The following ROBO1 variants were observed in gnomAD, a reference collection of about 807,000 sequenced individuals.
The protein encoded by ROBO1 is roundabout homolog 1.
Under a neutral mutation model 195.9 loss-of-function variants are expected in ROBO1, and 149 were observed. The observed-to-expected ratio is 0.76, with a 90% CI of 0.67 to 0.87. The LOEUF (loss-of-function observed/expected upper bound fraction) is 0.87, where lower values mean the gene tolerates loss of function less well. ROBO1 is among the 40% of genes least tolerant of loss of function. The pLI, the probability that ROBO1 is intolerant of heterozygous loss-of-function variation, is 0.00. For synonymous variants in ROBO1, 816 were observed against 733.2 expected, an observed-to-expected ratio of 1.11 and a Z score of -1.82; for missense variants, 1,933 against 2,068.3, an observed-to-expected ratio of 0.93 and a Z score of 1.27.
At chr3:78,720,199 C>T (rs1366043608) in intron 5 of ROBO1, among the ~76,000 whole-genome samples, 1 of 152,182 alleles carries the variant, frequency 6.6e-6, no homozygotes, top group Middle Eastern at 3.2e-3. Context: ...CTCATGGGAG[C>T]CCCTGTTACA....
At chr3:79,389,991 GATA>G (rs540549741) in intron 2 of ROBO1, among the ~76,000 whole-genome samples, 92 of 152,206 alleles carry the variant, frequency 6.0e-4, no homozygotes, top group Non-Finnish European at 1.1e-3. Context: ...GGATTAGGAT[GATA>G]ATAATGATGA....
chr3:78,831,079 A>C (rs1450634766), intron 4 of ROBO1, among the ~76,000 whole-genome samples: 3 of 151,454 alleles, frequency 2.0e-5, no homozygotes, highest in Non-Finnish European at 4.4e-5. Context: ...CGCCTGGCTA[A>C]TTTTTCTATT....
At chr3:79,099,788 T>C (rs887195487) in intron 3 of ROBO1, among the ~76,000 whole-genome samples, 26 of 151,810 alleles carry the variant, frequency 1.7e-4, no homozygotes, top group African/African-American at 5.6e-4. Context: ...ATATGTCAAC[T>C]GGCCATTCAT....
chr3:79,715,645 C>G (rs114688596), intron 1 of ROBO1, among the ~76,000 whole-genome samples: 3,198 of 152,042 alleles, frequency 0.021, 72 homozygotes, highest in African/African-American at 0.058. Context: ...GGTTTGGAAC[C>G]AAGTCTGTAG....
chr3:78,924,930 T>G (rs1288334445), intron 4 of ROBO1, among the ~76,000 whole-genome samples: 1 of 151,902 alleles, frequency 6.6e-6, no homozygotes, highest in Non-Finnish European at 1.5e-5. Context: ...AATTAATAAT[T>G]TTGATAATTT....
Position 78,662,046 on chromosome 3 carries a change from G to A in ROBO1, c.2035C>T (p.His679Tyr), listed in dbSNP as rs759338396. 2 of 1,599,334 alleles carry A rather than the reference G, an allele frequency of 1.3e-6. No homozygotes were observed. Among genetic ancestry groups the A allele is most frequent in the Admixed American group, 1.7e-5 (1 of 58,052 alleles). ...VQRELGNAVL[H>Y]LHNPTVLSSS... is the part of the protein sequence containing the mutation. ...GAAAGGACGGTGGGGTTGTGGAGGT[G>A]CAGAACAGCATTTCCCAGCTCTCTC... is the stretch of plus-strand genomic sequence containing the variant. The change falls in exon 15 of 31, where the codon CAC becomes TAC. Residue 679 changes from histidine (H) to tyrosine (Y), a missense_variant. This residue lies in a region of ROBO1 where 1,737 missense variants were observed against 1,882.5 expected (regional missense o/e 0.92). Coordinates refer to ENST00000464233, the MANE Select transcript of ROBO1 (RefSeq NM_002941.4).
chr3:79,108,176 T>G (rs80292761), intron 3 of ROBO1, among the ~76,000 whole-genome samples: 1 of 151,820 alleles, frequency 6.6e-6, no homozygotes, highest in Non-Finnish European at 1.5e-5. Flanking sequence ...CAACTCTCTC[T>G]TTTTCTTCCT....
intron 2 of ROBO1, among the ~76,000 whole-genome samples, chr3:79,349,794 T>A (rs1459120532): frequency 6.6e-6 from 1 of 152,166 alleles, no homozygotes; most frequent in East Asian, 1.9e-4. Flanking sequence ...TCACACCGTG[T>A]ACAAAAATTA....
At position 78,953,453 on chromosome 3, in the gene ROBO1, C is replaced by A. The variant is rs75267757; in HGVS notation, c.173-14526G>T. 2.1e-3 allele frequency among the ~76,000 whole-genome samples: 324 copies of A among 152,122 alleles called. 1 individual carries two copies. Among genetic ancestry groups the A allele is most frequent in the African/African-American group, 7.4e-3 (306 of 41,526 alleles). ...ATTAGTTGTTTACCTGTATATTATT[C>A]CTATACTGTAGTATGAATTGTGTTA... On this transcript the variant is annotated intron_variant, in intron 3 of 30. Coordinates refer to ENST00000464233, the MANE Select transcript of ROBO1 (RefSeq NM_002941.4).
intron 3 of ROBO1, among the ~76,000 whole-genome samples, chr3:79,000,600 C>T (rs951426408): frequency 4.6e-5 from 7 of 152,056 alleles, no homozygotes; most frequent in African/African-American, 1.2e-4. Flanking sequence ...GTTAGAATGG[C>T]GATCATTAAA....
chr3:79,263,041 C>T (rs888060481), intron 2 of ROBO1, among the ~76,000 whole-genome samples: 1 of 152,048 alleles, frequency 6.6e-6, no homozygotes, highest in African/African-American at 2.4e-5. Flanking sequence ...AGGCCCTCAA[C>T]TTTGTCAAGC....
chr3:79,166,024 T>C (rs1259886454), intron 2 of ROBO1, among the ~76,000 whole-genome samples: 1 of 152,202 alleles, frequency 6.6e-6, no homozygotes, highest in Non-Finnish European at 1.5e-5. Context: ...CTACCCTTCC[T>C]GATGGCCTGT....
In ROBO1 at chr3:78,597,986, A is replaced by C. The variant is rs2107193568; in HGVS notation, c.*927T>G. 6.6e-6 allele frequency: 1 copy of C among 152,242 alleles called. No individual in the cohort carries two copies. The highest frequency in any genetic ancestry group is 6.6e-5 in the Admixed American group (1 of 15,248). The allele number at this position is 152,242 out of a possible 1,614,324, so 9.4% of individuals were successfully genotyped here. A position where few individuals can be genotyped will look rare whatever the true frequency, so the allele number is the denominator to read the frequency against. On this transcript the variant is annotated 3_prime_UTR_variant, in exon 31 of 31. Coordinates refer to ENST00000464233, the MANE Select transcript of ROBO1 (RefSeq NM_002941.4). ...AAAAAAAGAGAGAGAGATTAAAAACAGTGCATTACAAAAACAAAAATCAAA... is the reference window on the plus strand; with the variant it reads ...AAAAAAAGAGAGAGAGATTAAAAACCGTGCATTACAAAAACAAAAATCAAA...
At chr3:78,871,016 G>A (rs2035512786) in intron 4 of ROBO1, among the ~76,000 whole-genome samples, 1 of 152,146 alleles carries the variant, frequency 6.6e-6, no homozygotes, top group Admixed American at 6.6e-5. Context: ...CTGGAATATA[G>A]AAAGCACCCA....
intron 5 of ROBO1, among the ~76,000 whole-genome samples, chr3:78,727,990 T>C (rs1418067313): frequency 1.3e-5 from 2 of 152,152 alleles, no homozygotes; most frequent in East Asian, 3.8e-4. Context: ...TATATTTAAA[T>C]ATCAAAGCAA....
intron 2 of ROBO1, among the ~76,000 whole-genome samples, chr3:79,339,981 C>T (rs2034837391): frequency 6.6e-6 from 1 of 152,146 alleles, no homozygotes; most frequent in Non-Finnish European, 1.5e-5. Context: ...AATGACAGGC[C>T]TATCAAGTTC....
chr3:78,886,094 G>A lies in ROBO1; in HGVS notation c.499+52507C>T, dbSNP rs536168956. Among the ~76,000 whole-genome samples the A allele has an allele frequency of 5.8e-3, 882 of 151,324 alleles. 3 individuals carry two copies. The highest frequency in any genetic ancestry group is 0.01 in the Non-Finnish European group (693 of 67,824). ...GTTTATAAAAAAACAACATCAAATA[G>A]TTATGTCAAATATTTAACCAGTTAT... On this transcript the variant is annotated intron_variant, in intron 4 of 30. Transcript: ENST00000464233.
rs1265397133 is a variant in ROBO1 at position 78,982,224 on chromosome 3, C to T, written c.173-43297G>A. On this transcript the variant is annotated intron_variant, in intron 3 of 30. Coordinates refer to ENST00000464233, the MANE Select transcript of ROBO1 (RefSeq NM_002941.4). Reference sequence around the variant, plus strand: ...TTACTACCCCTCGGAATTACCTACACCCCAATTCCTTCTCCTTTATGAAGA... The same window carrying T: ...TTACTACCCCTCGGAATTACCTACATCCCAATTCCTTCTCCTTTATGAAGA... Among the ~76,000 whole-genome samples, 2 of 152,152 alleles carry T rather than the reference C, an allele frequency of 1.3e-5. 1 individual carries two copies. Among genetic ancestry groups the T allele is most frequent in the South Asian group, 4.1e-4 (2 of 4,828 alleles).
At chr3:79,530,360 G>A (rs1054097281) in intron 2 of ROBO1, among the ~76,000 whole-genome samples, 4 of 151,978 alleles carry the variant, frequency 2.6e-5, no homozygotes, top group African/African-American at 9.7e-5. Flanking sequence ...CTGAGTTCGA[G>A]AGAGATTTTT....
Sources: allele counts gnomAD v4.1 joint callset (sites outside exome capture counted in the v4.1 genomes callset), GRCh38; gene constraint gnomAD v4.1.1; regional missense constraint gnomAD v4.1.1; transcripts MANE v1.5; gene names NCBI Gene and HGNC (gene_info 2026-07-23, HGNC 2026-07-21).